SCAI: variants seen among roughly 807,000 people sequenced by gnomAD.
SCAI encodes the protein protein SCAI.
A neutral mutation model predicts 92.2 loss-of-function variants in SCAI; 24 were observed. That is an observed-to-expected ratio of 0.26 (90% CI 0.19 to 0.37). The LOEUF is 0.37. Among genes scored for constraint, SCAI ranks in the 10% least tolerant of loss-of-function variants. SCAI has a pLI of 1.00. For missense variants in SCAI, 450 were observed against 736.2 expected (o/e 0.61, Z 4.50); for synonymous variants, 261 against 258.6 (o/e 1.01, Z -0.09).
rs35804136 is a variant in SCAI at position 124,957,680 on chromosome 9, A to AT, written c.1675-4728dup. Among the ~76,000 whole-genome samples, 1,056 of 129,492 alleles carry AT rather than the reference A, an allele frequency of 8.2e-3. 3 individuals are homozygous for AT. Among genetic ancestry groups the AT allele is most frequent in the African/African-American group, 0.018 (649 of 35,744 alleles). The allele number at this position is 129,492 out of a possible 152,430, so 85.0% of individuals were successfully genotyped here. On this transcript the variant is annotated intron_variant, in intron 17 of 17. Coordinates refer to ENST00000336505, the MANE Select transcript of SCAI (RefSeq NM_001144877.3). ...GTACCGCGCCTGGCCAAATAATACA[A>AT]TTTTTTTTTTTTTTTTAAAAAGACG... is the stretch of plus-strand genomic sequence containing the variant.
intron 3 of SCAI, among the ~76,000 whole-genome samples, chr9:125,048,860 C>G (rs1833500037): frequency 6.6e-6 from 1 of 152,064 alleles, no homozygotes; most frequent in African/African-American, 2.4e-5. Context: ...ATTCTCCTTC[C>G]TCAGCCTCCC....
intron 2 of SCAI, among the ~76,000 whole-genome samples, chr9:125,075,395 A>G (rs1274769467): frequency 6.6e-6 from 1 of 151,840 alleles, no homozygotes; most frequent in Non-Finnish European, 1.5e-5. Flanking sequence ...CAGGCCACAT[A>G]GATGTTTCAT....
At chr9:124,984,771 TGA>T (rs1026086768) in intron 14 of SCAI, among the ~76,000 whole-genome samples, 2 of 152,098 alleles carry the variant, frequency 1.3e-5, no homozygotes, top group African/African-American at 4.8e-5. Flanking sequence ...AAGTTGAGTT[TGA>T]GAGAGAGGTC....
At chr9:125,125,944 ACACAC>A (rs1174815145) in intron 2 of SCAI, among the ~76,000 whole-genome samples, 2 of 150,004 alleles carry the variant, frequency 1.3e-5, no homozygotes, top group Non-Finnish European at 3.0e-5. Flanking sequence ...ACACACACAC[ACACAC>A]ATTCTCTCTC....
At chr9:124,983,807 T>A (rs1345282082) in intron 14 of SCAI, among the ~76,000 whole-genome samples, 4 of 152,262 alleles carry the variant, frequency 2.6e-5, no homozygotes, top group African/African-American at 9.6e-5. Flanking sequence ...TTACAGTCCA[T>A]TGTTTTACAT....
At chr9:125,118,702 C>T (rs1219233701) in intron 2 of SCAI, among the ~76,000 whole-genome samples, 1 of 152,070 alleles carries the variant, frequency 6.6e-6, no homozygotes, top group Non-Finnish European at 1.5e-5. Context: ...CGTCCCCTCA[C>T]CACCCCCACC....
intron 6 of SCAI, among the ~76,000 whole-genome samples, chr9:125,025,588 G>A (rs767468240): frequency 6.6e-6 from 1 of 152,086 alleles, no homozygotes; most frequent in South Asian, 2.1e-4. Flanking sequence ...TAGAGTTGGA[G>A]GAAATATATC....
At chr9:125,024,573 C>T (rs1233574201) in intron 6 of SCAI, among the ~76,000 whole-genome samples, 4 of 152,140 alleles carry the variant, frequency 2.6e-5, no homozygotes, top group Non-Finnish European at 5.9e-5. Flanking sequence ...CTGTACCCGG[C>T]CATTTTTTTT....
At position 125,102,268 on chromosome 9, in the gene SCAI, T is replaced by C. The variant is rs1360749185; in HGVS notation, c.98+40365A>G. Reference sequence around the variant, plus strand: ...TATTCCTTTTTCCCAAGTCTACTTTTATTTATTTAGCAGCAGAAAAGGATC... The same window carrying C: ...TATTCCTTTTTCCCAAGTCTACTTTCATTTATTTAGCAGCAGAAAAGGATC... On this transcript the variant is annotated intron_variant, in intron 2 of 17. Transcript: ENST00000336505. Among the ~76,000 whole-genome samples the C allele has an allele frequency of 3.9e-5, 6 of 152,238 alleles. No homozygotes were observed. In the East Asian group the frequency reaches 5.8e-4, roughly 15 times the overall value.
intron 2 of SCAI, among the ~76,000 whole-genome samples, chr9:125,086,935 G>C (rs72765269): frequency 2.4e-4 from 36 of 152,288 alleles, no homozygotes; most frequent in Non-Finnish European, 4.3e-4. Flanking sequence ...TTAGAAGAGA[G>C]TCTGGCATAC....
At chr9:125,019,574 A>G (rs1832828248) in intron 7 of SCAI, among the ~76,000 whole-genome samples, 1 of 151,966 alleles carries the variant, frequency 6.6e-6, no homozygotes, top group African/African-American at 2.4e-5. Context: ...TCGAGGTGGG[A>G]GGATCATTTG....
At chr9:125,135,986 C>CAAAAAAAAAAAAAAAAAAAAAAA (rs992453709) in intron 2 of SCAI, among the ~76,000 whole-genome samples, 1 of 132,358 alleles carries the variant, frequency 7.6e-6, no homozygotes. Context: ...AAAAAAAAAA[C>CAAAAAAAAAAAAAAAAAAAAAAA]AAAAAAAAAA....
At chr9:125,067,077 T>TA (rs1349855295) in intron 2 of SCAI, among the ~76,000 whole-genome samples, 1 of 152,162 alleles carries the variant, frequency 6.6e-6, no homozygotes, top group Non-Finnish European at 1.5e-5. Context: ...CGACTGTATA[T>TA]ATAAATTATG....
intron 4 of SCAI, among the ~76,000 whole-genome samples, chr9:125,028,896 C>T (rs1833016791): frequency 6.6e-6 from 1 of 151,924 alleles, no homozygotes; most frequent in Non-Finnish European, 1.5e-5. Context: ...CTCTCAGGTT[C>T]CAGCAATTCT....
intron 2 of SCAI, among the ~76,000 whole-genome samples, chr9:125,121,119 TG>T (rs1266253043): frequency 6.6e-6 from 1 of 151,770 alleles, no homozygotes; most frequent in African/African-American, 2.4e-5. Flanking sequence ...AATTCTAAAT[TG>T]TGCAAATTTG....
chr9:124,986,369 A>G (rs1323835697), intron 14 of SCAI, among the ~76,000 whole-genome samples: 1 of 152,246 alleles, frequency 6.6e-6, no homozygotes, highest in African/African-American at 2.4e-5. Flanking sequence ...GAAAAATACC[A>G]TAACCAACAA....
At chr9:124,981,373 G>A (rs1376824372) in intron 14 of SCAI, among the ~76,000 whole-genome samples, 2 of 152,068 alleles carry the variant, frequency 1.3e-5, no homozygotes, top group African/African-American at 2.4e-5. Context: ...AACAACTCTT[G>A]TTATTGTTTT....
At chr9:125,007,816 C>T (rs1466318415) in intron 9 of SCAI, among the ~76,000 whole-genome samples, 1 of 151,954 alleles carries the variant, frequency 6.6e-6, no homozygotes, top group Non-Finnish European at 1.5e-5. Context: ...TGACCAACAT[C>T]CAGCTAAGGT....
At chr9:124,971,012 A>T (rs1249101351) in intron 17 of SCAI, among the ~76,000 whole-genome samples, 1 of 151,924 alleles carries the variant, frequency 6.6e-6, no homozygotes, top group Non-Finnish European at 1.5e-5. Context: ...AAGGAGTTTC[A>T]GCATGTTGGC....
Sources: allele counts gnomAD v4.1 joint callset (sites outside exome capture counted in the v4.1 genomes callset), GRCh38; gene constraint gnomAD v4.1.1; transcripts MANE v1.5; gene names NCBI Gene and HGNC (gene_info 2026-07-23, HGNC 2026-07-21).